GALK2: variants seen among roughly 807,000 people sequenced by gnomAD.
GALK2 encodes the protein N-acetylgalactosamine kinase.
Under a neutral mutation model 52.4 loss-of-function variants are expected in GALK2, and 36 were observed. The observed-to-expected ratio is 0.69, with a 90% CI of 0.53 to 0.91. The LOEUF (loss-of-function observed/expected upper bound fraction) is 0.91. GALK2 is among the 40% of genes least tolerant of loss of function. The pLI is 0.00. For missense variants in GALK2, 579 were observed against 559.1 expected (o/e 1.04, Z -0.36); for synonymous variants, 176 against 199.1 (o/e 0.88, Z 0.98).
In GALK2 at chr15:49,292,462, G is replaced by T. The variant is rs1262116505; in HGVS notation, c.892G>T (p.Glu298Ter). Residue 298 changes from glutamate to a stop codon, truncating the protein, a stop_gained, in exon 8 of 10, where the codon GAG becomes TAG. Transcript: ENST00000560031. LOFTEE classifies it high-confidence loss of function. ...DALHPEPYNP[E>*]EICRCLGISL... The stretch of plus-strand genomic sequence containing the variant: ...CCTTCATCCTGAACCCTATAACCCT[G>T]AGGAGATCTGCAGGTGTCTGGGAAT... 1.9e-6 allele frequency: 3 copies of T among 1,613,894 alleles called. No individual in the cohort carries two copies. In the African/African-American group the frequency reaches 4.0e-5, roughly 22 times the overall value.
chr15:49,340,648 A>G (rs866861488), intron 3 of GALK2, among the ~76,000 whole-genome samples: 1 of 152,186 alleles, frequency 6.6e-6, no homozygotes, highest in African/African-American at 2.4e-5. Flanking sequence ...AGTTCCTTAC[A>G]GATTCTGGAT....
intron 1 of GALK2, among the ~76,000 whole-genome samples, chr15:49,183,793 A>G (rs1274961543): frequency 4.6e-5 from 7 of 151,904 alleles, no homozygotes; most frequent in Non-Finnish European, 8.8e-5. Flanking sequence ...TGGTGAGCCA[A>G]GATCACACCA....
chr15:49,210,156 A>G (rs2088704382), intron 2 of GALK2, among the ~76,000 whole-genome samples: 1 of 151,586 alleles, frequency 6.6e-6, no homozygotes, highest in African/African-American at 2.4e-5. Flanking sequence ...GATCCTTTGT[A>G]TTTTGTGGTG....
At chr15:49,184,255 G>T (rs538761532) in intron 1 of GALK2, among the ~76,000 whole-genome samples, 29 of 146,974 alleles carry the variant, frequency 2.0e-4, no homozygotes, top group African/African-American at 7.0e-4. Flanking sequence ...TTTTTTTTTT[G>T]GAAATCTATT....
At chr15:49,327,793 G>C in intron 9 of GALK2, 159 bp from the exon 10 acceptor site, 2 of 622,760 alleles carry the variant, frequency 3.2e-6, no homozygotes, top group African/African-American at 1.8e-5. Context: ...CTCTGAAACA[G>C]TATAAATGTC....
At chr15:49,163,739 CCTT>C (rs1405735248) in intron 1 of GALK2, among the ~76,000 whole-genome samples, 2 of 152,080 alleles carry the variant, frequency 1.3e-5, no homozygotes, top group African/African-American at 2.4e-5. Flanking sequence ...ACAGAAAGCT[CCTT>C]GAGGACACAA....
chr15:49,168,702 A>AGAGC (rs2084906612), upstream of GALK2, among the ~76,000 whole-genome samples: 2 of 151,218 alleles, frequency 1.3e-5, no homozygotes, highest in African/African-American at 4.9e-5. Flanking sequence ...TGGGCAACAA[A>AGAGC]GAGCGAAACT....
chr15:49,317,783 A>G (rs1296513901), intron 8 of GALK2, among the ~76,000 whole-genome samples: 2 of 152,188 alleles, frequency 1.3e-5, no homozygotes, highest in Admixed American at 6.5e-5. Context: ...GCTGGAAACT[A>G]TCATTCTCAG....
intron 5 of GALK2, among the ~76,000 whole-genome samples, chr15:49,263,015 T>C (rs1321470860): frequency 1.4e-5 from 2 of 144,440 alleles, no homozygotes; most frequent in Non-Finnish European, 3.0e-5. Flanking sequence ...GGAATAGGTG[T>C]GGTGTGGTGC....
chr15:49,251,796 TTTCTC>T (rs2091613715), intron 5 of GALK2, among the ~76,000 whole-genome samples: 1 of 152,200 alleles, frequency 6.6e-6, no homozygotes, highest in Admixed American at 6.5e-5. Context: ...TTTATATACT[TTTCTC>T]TATGTTCTGT....
At chr15:49,177,721 G>A in intron 1 of GALK2, 1 of 763,510 alleles carries the variant, frequency 1.3e-6, no homozygotes, top group Non-Finnish European at 1.9e-6. Context: ...GCCTGCAGAT[G>A]TCAGCCCATG....
rs1381712620 is a variant in GALK2 at position 49,357,072 on chromosome 15, T to C, written c.427-10419T>C. 4.1e-3 allele frequency among the ~76,000 whole-genome samples: 607 copies of C among 149,132 alleles called. 2 individuals are homozygous for C. Among genetic ancestry groups the C allele is most frequent in the African/African-American group, 0.013 (539 of 40,110 alleles). On this transcript the variant is annotated intron_variant, in intron 3 of 3. Coordinates refer to the GALK2 transcript ENST00000558399. Reference sequence around the variant, plus strand: ...ACACAACATACCAGAATCTCTGGGATGCATTCAAAGCAGTGTGTAGAGGGA... The same window carrying C: ...ACACAACATACCAGAATCTCTGGGACGCATTCAAAGCAGTGTGTAGAGGGA...
intron 5 of GALK2, among the ~76,000 whole-genome samples, chr15:49,258,633 C>T (rs962852161): frequency 6.6e-6 from 1 of 151,932 alleles, no homozygotes; most frequent in Admixed American, 6.6e-5. Flanking sequence ...TAACTCAGGT[C>T]CCAGGAGGCC....
chr15:49,177,679 C>T (rs1330099746), intron 1 of GALK2: 5 of 445,618 alleles, frequency 1.1e-5, no homozygotes, highest in Non-Finnish European at 1.9e-5. Context: ...TGTGGTGGAA[C>T]TTATGACCCT....
In GALK2 at chr15:49,329,630, T is replaced by C. The variant is rs1477777438; in HGVS notation, c.*1471T>C. 1.0e-6 allele frequency: 1 copy of C among 984,840 alleles called. No homozygotes were observed. Among genetic ancestry groups the C allele is most frequent in the Non-Finnish European group, 1.2e-6 (1 of 829,532 alleles). The allele number at this position is 984,840 out of a possible 1,614,324, so 61.0% of individuals were successfully genotyped here. On this transcript the variant is annotated 3_prime_UTR_variant, in exon 10 of 10. Transcript: ENST00000560031. ...TGCATTTTCATTCTTAGCAGAAAGG[T>C]AAATGCTTGAGAAAGCTTGAGTCAA...
chr15:49,281,961 G>T, intron 5 of GALK2, 26 bp from the exon 6 acceptor site: 1 of 1,551,420 alleles, frequency 6.4e-7, no homozygotes, highest in Non-Finnish European at 8.9e-7. Flanking sequence ...ACTACTCACA[G>T]TACAAATCAG....
At chr15:49,318,847 T>G (rs907091438) in intron 8 of GALK2, 9 of 423,592 alleles carry the variant, frequency 2.1e-5, no homozygotes, top group Non-Finnish European at 3.7e-5. Context: ...CTTAAGCATG[T>G]CACTTCACTC....
chr15:49,234,021 A>G (rs1342221587), intron 3 of GALK2, among the ~76,000 whole-genome samples: 2 of 152,198 alleles, frequency 1.3e-5, no homozygotes, highest in African/African-American at 2.4e-5. Flanking sequence ...GAGATAATGT[A>G]TCCATGTTAT....
chr15:49,301,243 A>C (rs2035085310), intron 8 of GALK2, among the ~76,000 whole-genome samples: 1 of 152,198 alleles, frequency 6.6e-6, no homozygotes, highest in Admixed American at 6.5e-5. Flanking sequence ...TTCTGTTTCC[A>C]AATTTCTAAT....
Sources: gnomAD v4.1 joint callset for allele counts (sites outside exome capture counted in the v4.1 genomes callset) on GRCh38, gnomAD v4.1.1 for gene constraint, MANE v1.5 for transcripts, NCBI Gene and HGNC (gene_info 2026-07-23, HGNC 2026-07-21) for gene names.